PDHX: variants seen among roughly 807,000 people sequenced by gnomAD.
PDHX encodes the protein pyruvate dehydrogenase complex component X, also known as pyruvate dehydrogenase protein X component, mitochondrial.
Under a neutral mutation model 55.3 loss-of-function variants are expected in PDHX, and 33 were observed. That is an observed-to-expected ratio of 0.60 (90% confidence interval 0.45 to 0.80). PDHX has a LOEUF of 0.80. Ranked by LOEUF, PDHX falls within the 30% of genes least tolerant of loss-of-function variation. The pLI is 0.00. For missense variants in PDHX, 622 were observed against 619.9 expected (o/e 1.00, Z -0.04); for synonymous variants, 226 against 219.4 (o/e 1.03, Z -0.27).
At chr11:34,932,841 A>G (rs1854211209) in intron 2 of PDHX, among the ~76,000 whole-genome samples, 2 of 152,222 alleles carry the variant, frequency 1.3e-5, no homozygotes, top group South Asian at 4.1e-4. Flanking sequence ...GAAACAATCC[A>G]AATGTTGGTT....
At chr11:34,939,927 A>G (rs1854432664) in intron 2 of PDHX, among the ~76,000 whole-genome samples, 1 of 152,164 alleles carries the variant, frequency 6.6e-6, no homozygotes, top group Non-Finnish European at 1.5e-5. Context: ...TTGAGCTATC[A>G]TTTGGCATTT....
At chr11:34,991,485 A>AT (rs2134005217) in intron 9 of PDHX, among the ~76,000 whole-genome samples, 1 of 152,320 alleles carries the variant, frequency 6.6e-6, no homozygotes, top group African/African-American at 2.4e-5. Flanking sequence ...TATAAAATTT[A>AT]TTTTTTATAA....
upstream of PDHX, chr11:34,916,360 G>A (rs2133931143): frequency 1.3e-6 from 2 of 1,575,110 alleles, no homozygotes; most frequent in Non-Finnish European, 1.7e-6. Flanking sequence ...GGATACGGCA[G>A]CGAGGCCGCA....
intron 1 of PDHX, among the ~76,000 whole-genome samples, chr11:34,918,656 T>C (rs1277687203): frequency 6.6e-6 from 1 of 152,210 alleles, no homozygotes; most frequent in Non-Finnish European, 1.5e-5. Context: ...CTAGTGCTGC[T>C]GCAACAAATT....
intron 2 of PDHX, among the ~76,000 whole-genome samples, chr11:34,933,625 C>T (rs1433739577): frequency 2.0e-5 from 3 of 152,134 alleles, no homozygotes; most frequent in Non-Finnish European, 4.4e-5. Flanking sequence ...CCAATCCAGT[C>T]GCAGTAAGCA....
chr11:34,950,994 A>T (rs1854750971), intron 3 of PDHX, among the ~76,000 whole-genome samples: 2 of 148,828 alleles, frequency 1.3e-5, no homozygotes, highest in African/African-American at 4.9e-5. Flanking sequence ...TCCCACCAGC[A>T]GTGTAAAAGT....
rs781248776 is a variant in PDHX, at chr11:34,994,908, C to T, written c.1248-6C>T. On this transcript the variant is annotated splice_polypyrimidine_tract_variant and splice_region_variant and intron_variant, in intron 10 of 10. Transcript: ENST00000227868. Reference sequence around the variant, plus strand: ...CCTCCTTCAGAGCTTTTTCTTTTCCCCCTAGTATTTCCAACTTGGGGATGT... The same window carrying T: ...CCTCCTTCAGAGCTTTTTCTTTTCCTCCTAGTATTTCCAACTTGGGGATGT... 2 of 1,613,628 alleles carry T rather than the reference C, an allele frequency of 1.2e-6. No individual in the cohort carries two copies. The highest frequency in any genetic ancestry group is 2.2e-5 in the East Asian group (1 of 44,894).
intron 7 of PDHX, among the ~76,000 whole-genome samples, chr11:34,972,192 A>C (rs1395339166): frequency 6.6e-6 from 1 of 150,794 alleles, no homozygotes; most frequent in Non-Finnish European, 1.5e-5. Context: ...TAACTTATCT[A>C]GTATTTCTGT....
intron 8 of PDHX, among the ~76,000 whole-genome samples, chr11:34,978,839 G>A (rs762853086): frequency 6.6e-6 from 1 of 152,134 alleles, no homozygotes; most frequent in African/African-American, 2.4e-5. Context: ...GACATGGTGA[G>A]GACTAGGGAT....
At chr11:34,994,588 A>AGCTC (rs1855819719) in intron 10 of PDHX, among the ~76,000 whole-genome samples, 2 of 152,202 alleles carry the variant, frequency 1.3e-5, no homozygotes, top group African/African-American at 4.8e-5. Flanking sequence ...CCTGAGCTCC[A>AGCTC]TTATAATCTT....
chr11:34,986,092 G>A (rs561213331), intron 9 of PDHX, among the ~76,000 whole-genome samples: 26 of 152,276 alleles, frequency 1.7e-4, no homozygotes, highest in Non-Finnish European at 2.9e-4. Flanking sequence ...ATCACTTGAG[G>A]TCAGGAATTT....
intron 2 of PDHX, among the ~76,000 whole-genome samples, chr11:34,940,790 C>A (rs1464891038): frequency 6.6e-6 from 1 of 152,088 alleles, no homozygotes; most frequent in Non-Finnish European, 1.5e-5. Context: ...GTCTATGTTT[C>A]ATATAAATAG....
At chr11:34,962,645 A>G (rs12099088) in intron 5 of PDHX, among the ~76,000 whole-genome samples, 2,480 of 152,276 alleles carry the variant, frequency 0.016, 66 homozygotes, top group African/African-American at 0.057. Flanking sequence ...ACTAGAGGTT[A>G]AAATCCTTGA....
At chr11:34,985,175 T>C (rs750190286) in intron 9 of PDHX, among the ~76,000 whole-genome samples, 2 of 152,144 alleles carry the variant, frequency 1.3e-5, no homozygotes, top group Non-Finnish European at 2.9e-5. Flanking sequence ...AGGCGCGGTG[T>C]CTCACGCCTG....
intron 9 of PDHX, 21 bp downstream of exon 9, chr11:34,984,749 T>C (rs1855604730): frequency 6.2e-7 from 1 of 1,610,646 alleles, no homozygotes; most frequent in Non-Finnish European, 8.5e-7. Flanking sequence ...AGAAAGAGTG[T>C]GCTTTCAAAA....
intron 1 of PDHX, among the ~76,000 whole-genome samples, chr11:34,925,197 A>G (rs754401878): frequency 1.3e-5 from 2 of 152,156 alleles, no homozygotes; most frequent in Non-Finnish European, 2.9e-5. Context: ...TTATTTTTGC[A>G]GTTTTTATAT....
rs1016810238 is a variant in PDHX, at chr11:34,947,440, A to G, written c.242-66A>G. The G allele has an allele frequency of 3.0e-6, 3 of 1,013,450 alleles. No homozygotes were observed. The African/African-American group carries it at 4.9e-5, about 16-fold the overall frequency. The allele number at this position is 1,013,450 out of a possible 1,614,324, so 62.8% of individuals were successfully genotyped here. A position where few individuals can be genotyped will look rare whatever the true frequency, so the allele number is the denominator to read the frequency against. On this transcript the variant is annotated intron_variant, in intron 2 of 10. Coordinates refer to ENST00000227868, the MANE Select transcript of PDHX (RefSeq NM_003477.3). ...TGGTATTTATTTATGTTTTATTCAT[A>G]CGTACATATATACATAGTAATATTT... is the stretch of plus-strand genomic sequence containing the variant.
intron 6 of PDHX, among the ~76,000 whole-genome samples, chr11:34,967,242 A>G (rs1009554304): frequency 2.0e-5 from 3 of 152,220 alleles, no homozygotes; most frequent in African/African-American, 7.2e-5. Context: ...GATTAGTTTT[A>G]TTAATCCGTT....
At chr11:34,927,826 T>A (rs931626286) in intron 1 of PDHX, among the ~76,000 whole-genome samples, 1 of 152,124 alleles carries the variant, frequency 6.6e-6, no homozygotes, top group Non-Finnish European at 1.5e-5. Flanking sequence ...ATAATGGAGA[T>A]GTCCAAAATA....
Sources: allele counts gnomAD v4.1 joint callset (sites outside exome capture counted in the v4.1 genomes callset), GRCh38; gene constraint gnomAD v4.1.1; transcripts MANE v1.5; gene names NCBI Gene and HGNC (gene_info 2026-07-23, HGNC 2026-07-21).